Variants in EXOC6B observed in about 807,000 individuals in gnomAD.
The protein encoded by EXOC6B is exocyst complex component 6B.
A neutral mutation model predicts 113.5 loss-of-function variants in EXOC6B; 54 were observed. The observed-to-expected ratio is 0.48, with a 90% CI of 0.38 to 0.60. EXOC6B has a LOEUF of 0.60. Among genes scored for constraint, EXOC6B ranks in the 20% least tolerant of loss-of-function variants. The pLI, the probability that EXOC6B is intolerant of heterozygous loss-of-function variation, is 0.00. For missense variants in EXOC6B, 797 were observed against 977.5 expected (o/e 0.82, Z 2.46); for synonymous variants, 357 against 339.0 (o/e 1.05, Z -0.58).
intron 16 of EXOC6B, among the ~76,000 whole-genome samples, chr2:72,484,390 C>T (rs1298685715): frequency 6.9e-6 from 1 of 144,524 alleles, no homozygotes; most frequent in Non-Finnish European, 1.5e-5. Context: ...AACCCCGTCT[C>T]TACTAAAAAT....
chr2:72,750,049 C>A (rs1254319056), intron 1 of EXOC6B, among the ~76,000 whole-genome samples: 2 of 151,596 alleles, frequency 1.3e-5, no homozygotes, highest in Non-Finnish European at 2.9e-5. Flanking sequence ...ATACCTCACA[C>A]ACACACATAC....
chr2:72,398,421 G>T (rs535789663), intron 18 of EXOC6B, among the ~76,000 whole-genome samples: 229 of 152,204 alleles, frequency 1.5e-3, no homozygotes, highest in African/African-American at 5.4e-3. Flanking sequence ...CTCAGGACAG[G>T]CCTGGTGGCT....
intron 18 of EXOC6B, among the ~76,000 whole-genome samples, chr2:72,431,597 C>T (rs1163284020): frequency 1.3e-5 from 2 of 151,990 alleles, no homozygotes; most frequent in Non-Finnish European, 2.9e-5. Flanking sequence ...TCAAGTAAGC[C>T]TCCCAGATAG....
chr2:72,303,221 C>T (rs920332402), intron 20 of EXOC6B, among the ~76,000 whole-genome samples: 3 of 152,044 alleles, frequency 2.0e-5, no homozygotes, highest in Non-Finnish European at 2.9e-5. Context: ...TTGTAGATGA[C>T]CTGCCCTTTC....
At chr2:72,313,041 G>A (rs1187755683) in intron 20 of EXOC6B, among the ~76,000 whole-genome samples, 1 of 151,998 alleles carries the variant, frequency 6.6e-6, no homozygotes, top group Non-Finnish European at 1.5e-5. Context: ...CTGGTGTCTC[G>A]ATGAGGGGGA....
intron 1 of EXOC6B, among the ~76,000 whole-genome samples, chr2:72,796,723 GCACA>G (rs1684976818): frequency 1.3e-4 from 20 of 151,636 alleles, no homozygotes; most frequent in Admixed American, 1.3e-3. Flanking sequence ...ATAAATCTTG[GCACA>G]CGCCATAGGC....
At chr2:72,576,698 G>A (rs1156717354) in intron 6 of EXOC6B, among the ~76,000 whole-genome samples, 2 of 152,050 alleles carry the variant, frequency 1.3e-5, no homozygotes, top group Non-Finnish European at 2.9e-5. Flanking sequence ...AGATATGCAA[G>A]GCACACTAAC....
chr2:72,631,426 G>GTGTGTATATATA (rs1290760055), intron 6 of EXOC6B, among the ~76,000 whole-genome samples: 2 of 28,184 alleles, frequency 7.1e-5, no homozygotes, highest in African/African-American at 2.3e-4. Context: ...GTGTGTGTGT[G>GTGTGTATATATA]TATATATATA....
At chr2:72,741,225 G>A in intron 2 of EXOC6B, 79 bp downstream of exon 2, 2 of 1,377,456 alleles carry the variant, frequency 1.5e-6, no homozygotes, top group Non-Finnish European at 2.0e-6. Flanking sequence ...TGTGTTCTAT[G>A]TTATAATCCT....
rs182763853 is a variant in EXOC6B, at chr2:72,297,272, T to C, written c.2196+37675A>G. Among the ~76,000 whole-genome samples the C allele has an allele frequency of 5.3e-5, 8 of 152,108 alleles. No homozygotes were observed. In the East Asian group the frequency reaches 7.7e-4, roughly 15 times the overall value. ...TATAGGTAAACTTGTGTCACAGGAG[T>C]TTGCAGTATGGATTATTTTGTCACT... On this transcript the variant is annotated intron_variant, in intron 20 of 21. Coordinates refer to ENST00000272427, the MANE Select transcript of EXOC6B (RefSeq NM_015189.3).
At chr2:72,499,213 T>A (rs1700196406) in intron 12 of EXOC6B, among the ~76,000 whole-genome samples, 4 of 151,676 alleles carry the variant, frequency 2.6e-5, no homozygotes. Context: ...ACAGGTAACT[T>A]ATCCAAGCTT....
chr2:72,468,880 T>G (rs1340391760), intron 17 of EXOC6B, among the ~76,000 whole-genome samples: 3 of 152,162 alleles, frequency 2.0e-5, no homozygotes, highest in Admixed American at 2.0e-4. Context: ...TTTACATTAC[T>G]TGCATAATAA....
At chr2:72,558,767 C>T (rs1239059219) in intron 8 of EXOC6B, among the ~76,000 whole-genome samples, 3 of 150,772 alleles carry the variant, frequency 2.0e-5, no homozygotes, top group Non-Finnish European at 4.4e-5. Flanking sequence ...AAAACTCTGT[C>T]TCAAAAAGAA....
chr2:72,269,947 T>C (rs72910391), intron 20 of EXOC6B, among the ~76,000 whole-genome samples: 4,544 of 152,124 alleles, frequency 0.03, 214 homozygotes, highest in African/African-American at 0.1. Context: ...ATATGAAGAA[T>C]ATGGCACATT....
At chr2:72,258,074 A>G (rs1683462593) in intron 20 of EXOC6B, among the ~76,000 whole-genome samples, 1 of 152,224 alleles carries the variant, frequency 6.6e-6, no homozygotes, top group South Asian at 2.1e-4. Flanking sequence ...AAGCCTATAT[A>G]TGATTAGATT....
intron 5 of EXOC6B, 130 bp from the exon 6 acceptor site, chr2:72,718,437 A>T: frequency 1.9e-6 from 1 of 539,206 alleles, no homozygotes; most frequent in Non-Finnish European, 3.2e-6. Flanking sequence ...AACATCAGTG[A>T]AAAGAATCTC....
intron 12 of EXOC6B, 35 bp downstream of exon 12, chr2:72,499,866 A>G (rs765324238): frequency 2.8e-6 from 4 of 1,425,676 alleles, no homozygotes; most frequent in Non-Finnish European, 3.9e-6. Context: ...TATAATACCA[A>G]TCTAGATGAG....
chr2:72,627,434 T>C (rs1229097545), intron 6 of EXOC6B, among the ~76,000 whole-genome samples: 1 of 152,232 alleles, frequency 6.6e-6, no homozygotes, highest in African/African-American at 2.4e-5. Flanking sequence ...TGACAAACTA[T>C]GCTGCACAGA....
At chr2:72,531,297 C>G (rs1558767483) in intron 8 of EXOC6B, among the ~76,000 whole-genome samples, 1 of 152,250 alleles carries the variant, frequency 6.6e-6, no homozygotes, top group African/African-American at 2.4e-5. Context: ...CCATAGGATA[C>G]TGGTGTTTCC....
Sources: gnomAD v4.1 joint callset for allele counts (sites outside exome capture counted in the v4.1 genomes callset) on GRCh38, gnomAD v4.1.1 for gene constraint, MANE v1.5 for transcripts, NCBI Gene and HGNC (gene_info 2026-07-23, HGNC 2026-07-21) for gene names.